The following MEGF6 variants were observed in gnomAD, a reference collection of about 807,000 sequenced individuals.
The protein encoded by MEGF6 is multiple EGF like domains 6.
MEGF6 carries 184 observed loss-of-function variants against 207.1 expected under a neutral mutation model. The observed-to-expected ratio is 0.89, with a 90% CI of 0.79 to 1.00. The LOEUF is 1.00. Among genes scored for constraint, MEGF6 ranks in the 50% least tolerant of loss-of-function variants. The probability of loss-of-function intolerance (pLI) is 0.00; values close to 1 mark genes in which losing one functional copy is unlikely to be tolerated. For synonymous variants in MEGF6, 1,038 were observed against 910.0 expected (o/e 1.14, Z -2.53); for missense variants, 2,282 against 2,202.9 (o/e 1.04, Z -0.72).
chr1:3,505,765 T>C (rs1557728899), intron 15 of MEGF6, among the ~76,000 whole-genome samples: 1 of 152,212 alleles, frequency 6.6e-6, no homozygotes, highest in Non-Finnish European at 1.5e-5. Flanking sequence ...AGCTTGGCCT[T>C]GCTGCCAGGA....
chr1:3,551,742 G>T (rs1188218246), intron 4 of MEGF6, among the ~76,000 whole-genome samples: 1 of 152,090 alleles, frequency 6.6e-6, no homozygotes, highest in South Asian at 2.1e-4. Flanking sequence ...GGAGCTGGAT[G>T]GGGGGAGCTG....
chr1:3,510,028 C>A, intron 10 of MEGF6, 36 bp from the exon 11 acceptor site: 1 of 1,567,322 alleles, frequency 6.4e-7, no homozygotes, highest in Non-Finnish European at 8.6e-7. Context: ...GCCTGTGCTC[C>A]CAGGTGGGGA....
At position 3,595,415 on chromosome 1, in the gene MEGF6, T is replaced by C. The variant is rs746849878; in HGVS notation, c.299A>G (p.Tyr100Cys). The C allele has an allele frequency of 1.2e-6, 2 of 1,612,534 alleles. No homozygotes were observed. The highest frequency in any genetic ancestry group is 1.3e-5 in the African/African-American group (1 of 74,910). ...TVYYMGYRQV[Y>C]TTEARTVLRC... Reference sequence around the variant, plus strand: ...GAGCACGGTCCGGGCCTCCGTGGTATACACCTGCCTGTAGCCCATGTAGTA... The same window carrying C: ...GAGCACGGTCCGGGCCTCCGTGGTACACACCTGCCTGTAGCCCATGTAGTA... Residue 100 changes from tyrosine to cysteine, a missense_variant, in exon 3 of 37, where the codon TAT becomes TGT. Transcript: ENST00000356575.
chr1:3,551,218 G>A (rs1322281659), intron 4 of MEGF6, among the ~76,000 whole-genome samples: 1 of 152,218 alleles, frequency 6.6e-6, no homozygotes, highest in Non-Finnish European at 1.5e-5. Flanking sequence ...CCATGCAGGT[G>A]ACAAAGTGTT....
chr1:3,522,952 C>T lies in MEGF6; in HGVS notation c.604+1172G>A, dbSNP rs141221102. On this transcript the variant is annotated intron_variant, in intron 5 of 36. Coordinates refer to ENST00000356575, the MANE Select transcript of MEGF6 (RefSeq NM_001409.4). The stretch of plus-strand genomic sequence containing the variant: ...GGGCAGCGGGCTGGGGCCGCACCCC[C>T]GTCTCCGTTGTCCGGAAGCACATCA... 8.8e-3 allele frequency among the ~76,000 whole-genome samples: 1,336 copies of T among 152,316 alleles called. 13 individuals are homozygous for T. Among genetic ancestry groups the T allele is most frequent in the Middle Eastern group, 0.017 (5 of 294 alleles).
intron 3 of MEGF6, among the ~76,000 whole-genome samples, chr1:3,588,553 G>GGCAGGAGGGGACAGGACA (rs1643930906): frequency 1.3e-5 from 2 of 148,790 alleles, no homozygotes; most frequent in Non-Finnish European, 3.0e-5. Flanking sequence ...GGGGCAGGAG[G>GGCAGGAGGGGACAGGACA]GGGCAGGAGG....
intron 4 of MEGF6, among the ~76,000 whole-genome samples, chr1:3,572,581 G>C (rs1343075743): frequency 6.8e-6 from 1 of 147,530 alleles, no homozygotes; most frequent in Admixed American, 6.7e-5. Context: ...TCCTTCCTGT[G>C]TGTGATGGGT....
chr1:3,592,828 A>G (rs1347038209), intron 3 of MEGF6, among the ~76,000 whole-genome samples: 1 of 147,290 alleles, frequency 6.8e-6, no homozygotes. Context: ...CAAACAAGCA[A>G]ATCTTGCGCT....
chr1:3,490,570 G>A lies in MEGF6; in HGVS notation c.4584C>T (p.Ser1528=). ...CACCGCTCCGGGATGTGGGTCTGCTGGAGGCGGGCAGTGTGCCCGCTGGGG... is the reference window on the plus strand; with the variant it reads ...CACCGCTCCGGGATGTGGGTCTGCTAGAGGCGGGCAGTGTGCCCGCTGGGG... The part of the protein sequence containing the change: ...AQGSAGTLPA[S]SRPTSRSGGP... The change falls in exon 37 of 37, where the codon TCC becomes TCT. Residue 1528 remains serine (S), a synonymous_variant. Coordinates refer to ENST00000356575, the MANE Select transcript of MEGF6 (RefSeq NM_001409.4). The A allele has an allele frequency of 6.2e-7, 1 of 1,613,462 alleles. No homozygotes were observed. The highest frequency in any genetic ancestry group is 8.5e-7 in the Non-Finnish European group (1 of 1,179,910).
chr1:3,503,887 G>T (rs935854776), intron 17 of MEGF6, among the ~76,000 whole-genome samples: 4 of 152,146 alleles, frequency 2.6e-5, no homozygotes, highest in Non-Finnish European at 5.9e-5. Context: ...CTGCACACCG[G>T]CCTGAGACCA....
the MEGF6 span, among the ~76,000 whole-genome samples, chr1:3,616,626 A>G: frequency 6.6e-6 from 1 of 152,184 alleles, no homozygotes; most frequent in African/African-American, 2.4e-5. Flanking sequence ...AAAGGATCGC[A>G]CCAGAAACCC....
rs753040742 is a variant in MEGF6, at chr1:3,512,046, G to A, written c.936C>T (p.His312=). Residue 312 remains histidine, a synonymous_variant, in exon 8 of 37, where the codon CAC becomes CAT. Transcript: ENST00000356575. ...CATCGGCGCCCAGCTCATAGCCCGC[G>A]TGACACACGCACTTGAAGGACCCCT... ...NTQGSFKCVC[H]AGYELGADGR... is the part of the protein sequence containing the mutation. 1.1e-5 allele frequency: 17 copies of A among 1,612,674 alleles called. No homozygotes were observed. The highest frequency in any genetic ancestry group is 2.2e-5 in the East Asian group (1 of 44,888).
At chr1:3,502,193 G>A (rs568344598) in intron 17 of MEGF6, among the ~76,000 whole-genome samples, 16 of 148,384 alleles carry the variant, frequency 1.1e-4, no homozygotes, top group Non-Finnish European at 1.9e-4. Flanking sequence ...ACAGGCAAGG[G>A]AGGAGTGAAA....
At chr1:3,567,174 T>G (rs915140673) in intron 4 of MEGF6, among the ~76,000 whole-genome samples, 1 of 152,106 alleles carries the variant, frequency 6.6e-6, no homozygotes, top group Non-Finnish European at 1.5e-5. Context: ...GAGGCAAAGA[T>G]GTGAGCAGGA....
rs761998430 is a variant in MEGF6 at position 3,514,612 on chromosome 1, C to T, written c.791G>A (p.Gly264Asp). ...CACGTGGCACTCACAGCGGGCGAGG[C>T]CCCGGACCACCTGGCACCTGTGCAT... ...SCMHRCQVVRGLARCECHVGY... is the reference protein window; with the variant it reads ...SCMHRCQVVRDLARCECHVGY... The change falls in exon 7 of 37, where the codon GGC becomes GAC. Residue 264 changes from glycine to aspartate, a missense_variant. Gly to Asp is a moderately conservative substitution (Grantham distance 94). Transcript: ENST00000356575. 1.9e-6 allele frequency: 3 copies of T among 1,579,306 alleles called. No individual in the cohort carries two copies. The highest frequency in any genetic ancestry group is 3.6e-5 in the Admixed American group (2 of 55,762).
Position 3,501,827 on chromosome 1 carries a change from C to G in MEGF6, c.2283G>C (p.Pro761=). 2 of 1,608,962 alleles carry G rather than the reference C, an allele frequency of 1.2e-6. No individual in the cohort carries two copies. The highest frequency in any genetic ancestry group is 1.7e-6 in the Non-Finnish European group (2 of 1,178,504). The change falls in exon 18 of 37, where the codon CCG becomes CCC. Residue 761 remains proline (P), a synonymous_variant. Transcript: ENST00000356575. ...CHGVTGQCRC[P]PGRTGEDCEA... ...CACAGTCTTCCCCAGTCCTCCCCGG[C>G]GGACACCGGCACTGCCCCGTGACCC...
Position 3,501,827 on chromosome 1 carries a change from C to T in MEGF6, c.2283G>A (p.Pro761=), listed in dbSNP as rs4648508. 497,546 of 1,608,578 alleles carry T rather than the reference C, an allele frequency of 0.31. 78,079 individuals are homozygous for T. Among genetic ancestry groups the T allele is most frequent in the Middle Eastern group, 0.37 (2,255 of 6,028 alleles). ...CHGVTGQCRC[P]PGRTGEDCEA... ...CACAGTCTTCCCCAGTCCTCCCCGG[C>T]GGACACCGGCACTGCCCCGTGACCC... The change falls in exon 18 of 37, where the codon CCG becomes CCA. Residue 761 remains proline (P), a synonymous_variant. Transcript: ENST00000356575.
At chr1:3,495,819 T>C (rs2100857577) in intron 30 of MEGF6, 71 bp downstream of exon 30, 1 of 1,539,832 alleles carries the variant, frequency 6.5e-7, no homozygotes, top group Non-Finnish European at 8.7e-7. Flanking sequence ...ACCCCTCCAG[T>C]GTCCCCACGG....
chr1:3,495,220 C>T (rs1230246646), intron 30 of MEGF6, among the ~76,000 whole-genome samples: 1 of 152,168 alleles, frequency 6.6e-6, no homozygotes, highest in East Asian at 1.9e-4. Context: ...GGGAGTGAGG[C>T]GGGGCCAAGC....
Sources: allele counts gnomAD v4.1 joint callset (sites outside exome capture counted in the v4.1 genomes callset), GRCh38; gene constraint gnomAD v4.1.1; transcripts MANE v1.5; gene names NCBI Gene and HGNC (gene_info 2026-07-23, HGNC 2026-07-21).